The following RBFOX1 variants were observed in gnomAD, a reference collection of about 807,000 sequenced individuals.
The protein encoded by RBFOX1 is RNA binding protein fox-1 homolog 1.
RBFOX1 carries 8 observed loss-of-function variants against 57.7 expected under a neutral mutation model. The ratio of observed to expected loss-of-function variants is 0.14; its 90% CI spans 0.08 to 0.25. RBFOX1 has a LOEUF of 0.25. RBFOX1 is among the 10% of genes least tolerant of loss of function. The pLI is 1.00. For synonymous variants in RBFOX1, 326 were observed against 222.4 expected, an observed-to-expected ratio of 1.47 and a Z score of -4.15; for missense variants, 611 against 548.5, an observed-to-expected ratio of 1.11 and a Z score of -1.14.
chr16:6,859,698 T>TACGGTATC (rs2058670347), intron 3 of RBFOX1, among the ~76,000 whole-genome samples: 1 of 152,182 alleles, frequency 6.6e-6, no homozygotes, highest in South Asian at 2.1e-4. Flanking sequence ...TTTAATCGAC[T>TACGGTATC]ACGGTATCAG....
intron 1 of RBFOX1, among the ~76,000 whole-genome samples, chr16:6,172,022 T>C (rs2096964207): frequency 6.6e-6 from 1 of 151,984 alleles, no homozygotes; most frequent in South Asian, 2.1e-4. Context: ...GGGGTTTCAC[T>C]GTGTTAGGCA....
intron 3 of RBFOX1, among the ~76,000 whole-genome samples, chr16:6,912,081 C>G (rs773071126): frequency 1.3e-5 from 2 of 152,150 alleles, no homozygotes; most frequent in Non-Finnish European, 2.9e-5. Context: ...AATAAATATG[C>G]TGTTGCTTTT....
At chr16:6,090,774 C>T (rs958851581) in intron 1 of RBFOX1, among the ~76,000 whole-genome samples, 3 of 152,174 alleles carry the variant, frequency 2.0e-5, no homozygotes, top group African/African-American at 4.8e-5. Flanking sequence ...TCCTCTTTCT[C>T]TTTTCTTATT....
At chr16:6,282,621 G>C (rs1420256039) in intron 1 of RBFOX1, among the ~76,000 whole-genome samples, 2 of 152,038 alleles carry the variant, frequency 1.3e-5, no homozygotes, top group African/African-American at 4.8e-5. Context: ...CCACTTATGA[G>C]TGAGAACATG....
chr16:7,080,824 C>T (rs1431246574), intron 4 of RBFOX1, among the ~76,000 whole-genome samples: 2 of 152,212 alleles, frequency 1.3e-5, no homozygotes, highest in African/African-American at 2.4e-5. Flanking sequence ...GGCCTTTTCG[C>T]TGTCACTTTG....
intron 1 of RBFOX1, among the ~76,000 whole-genome samples, chr16:6,220,789 T>G (rs2152878366): frequency 6.6e-6 from 1 of 152,296 alleles, no homozygotes; most frequent in African/African-American, 2.4e-5. Context: ...GCATTAAATT[T>G]GTGGTGCCTT....
intron 4 of RBFOX1, among the ~76,000 whole-genome samples, chr16:7,476,421 T>C (rs2062716857): frequency 6.6e-6 from 1 of 152,202 alleles, no homozygotes; most frequent in African/African-American, 2.4e-5. Context: ...CTTTGAAAAA[T>C]GCCTGACACG....
intron 2 of RBFOX1, among the ~76,000 whole-genome samples, chr16:5,594,056 G>T (rs1449025152): frequency 6.6e-6 from 1 of 151,958 alleles, no homozygotes; most frequent in Non-Finnish European, 1.5e-5. Context: ...TTGGAGCTTT[G>T]CACAATGTTG....
At position 7,712,434 on chromosome 16, in the gene RBFOX1, T is replaced by A. The variant is rs2084137391; in HGVS notation, c.*1689T>A. 1 of 152,604 alleles carries A rather than the reference T, an allele frequency of 6.6e-6. No homozygotes were observed. Among genetic ancestry groups the A allele is most frequent in the Admixed American group, 6.5e-5 (1 of 15,286 alleles). The allele number at this position is 152,604 out of a possible 1,614,324, so 9.5% of individuals were successfully genotyped here. ...TGTGTGATCCAGCTTTCTCTTGCCA[T>A]CCTATGTGCATGCCGTAAGATCAGT... On this transcript the variant is annotated 3_prime_UTR_variant, in exon 16 of 16. Coordinates refer to ENST00000550418, the MANE Select transcript of RBFOX1 (RefSeq NM_018723.4).
intron 4 of RBFOX1, among the ~76,000 whole-genome samples, chr16:7,214,882 T>C (rs1372956745): frequency 6.6e-6 from 1 of 152,100 alleles, no homozygotes; most frequent in East Asian, 1.9e-4. Context: ...TGAAAGAGTT[T>C]TGTTTATTCT....
chr16:7,029,173 CGTAT>C (rs2042052811), intron 3 of RBFOX1, among the ~76,000 whole-genome samples: 2 of 44,264 alleles, frequency 4.5e-5, no homozygotes, highest in Non-Finnish European at 6.3e-5. Context: ...CATATATATA[CGTAT>C]ACGTGTATAT....
chr16:6,483,490 G>A (rs2095408289), intron 2 of RBFOX1: 2 of 1,535,718 alleles, frequency 1.3e-6, no homozygotes, highest in Non-Finnish European at 1.7e-6. Context: ...GAGGCACTTT[G>A]CAGCCGACAA....
At chr16:5,409,463 G>C (rs1159274657) in intron 1 of RBFOX1, among the ~76,000 whole-genome samples, 2 of 152,208 alleles carry the variant, frequency 1.3e-5, no homozygotes, top group East Asian at 3.9e-4. Flanking sequence ...TTCTTGCAAA[G>C]TAGAAGTTTG....
At chr16:6,347,394 T>G (rs1231672184) in intron 2 of RBFOX1, among the ~76,000 whole-genome samples, 1 of 152,218 alleles carries the variant, frequency 6.6e-6, no homozygotes, top group Non-Finnish European at 1.5e-5. Context: ...GCATGTTCCT[T>G]TCTTCTCATT....
rs911418279 is a variant in RBFOX1, at chr16:5,888,774, G to A, written c.351+21439G>A. Among the ~76,000 whole-genome samples the A allele has an allele frequency of 2.9e-5, 4 of 137,450 alleles. No individual in the cohort carries two copies. In the Admixed American group the frequency reaches 3.2e-4, roughly 11 times the overall value. 90.2% of individuals were successfully genotyped at this position (137,450 alleles called of 152,430 possible). ...ATCGTGCCACTGCACTCCAATCTGG[G>A]CGACAAGAGCGAAACTCAGTCTAAA... is the stretch of plus-strand genomic sequence containing the variant. On this transcript the variant is annotated intron_variant, in intron 4 of 19. Transcript: ENST00000641259.
At chr16:7,192,670 C>T (rs1054476660) in intron 4 of RBFOX1, among the ~76,000 whole-genome samples, 3 of 152,124 alleles carry the variant, frequency 2.0e-5, no homozygotes, top group African/African-American at 4.8e-5. Context: ...CGTCAATTTC[C>T]TGGTACCCAT....
At chr16:6,494,393 C>T (rs772537060) in intron 2 of RBFOX1, among the ~76,000 whole-genome samples, 4 of 152,158 alleles carry the variant, frequency 2.6e-5, no homozygotes, top group Non-Finnish European at 4.4e-5. Flanking sequence ...TGTTCTTAAC[C>T]CCTGTCGATC....
At chr16:6,553,293 C>A (rs1015021022) in intron 2 of RBFOX1, among the ~76,000 whole-genome samples, 1 of 152,170 alleles carries the variant, frequency 6.6e-6, no homozygotes, top group Non-Finnish European at 1.5e-5. Flanking sequence ...GAGCAGACAG[C>A]AGCTTTTGGG....
chr16:6,905,165 C>A (rs931753869), intron 3 of RBFOX1, among the ~76,000 whole-genome samples: 1 of 152,188 alleles, frequency 6.6e-6, no homozygotes, highest in East Asian at 1.9e-4. Flanking sequence ...GTTTTCAAAT[C>A]CTTTATTCTT....
Sources: allele counts gnomAD v4.1 joint callset (sites outside exome capture counted in the v4.1 genomes callset), GRCh38; gene constraint gnomAD v4.1.1; transcripts MANE v1.5; gene names NCBI Gene and HGNC (gene_info 2026-07-23, HGNC 2026-07-21).